Variants in ABTB2 observed in about 807,000 individuals in gnomAD.
ABTB2 encodes the protein ankyrin repeat and BTB domain containing 2.
In ABTB2, 56 loss-of-function variants were observed where a neutral mutation model predicts 104.1. That is an observed-to-expected ratio of 0.54 (90% CI 0.43 to 0.67). ABTB2 has a LOEUF of 0.67. Among genes scored for constraint, ABTB2 ranks in the 30% least tolerant of loss-of-function variants. The pLI, the probability that ABTB2 is intolerant of heterozygous loss-of-function variation, is 0.00. For missense variants in ABTB2, 1,279 were observed against 1,407.7 expected, an observed-to-expected ratio of 0.91 and a Z score of 1.46; for synonymous variants, 606 against 608.2, an observed-to-expected ratio of 1.00 and a Z score of 0.05.
intron 1 of ABTB2, among the ~76,000 whole-genome samples, chr11:34,303,313 C>T (rs1854730066): frequency 6.6e-6 from 1 of 152,226 alleles, no homozygotes; most frequent in Non-Finnish European, 1.5e-5. Flanking sequence ...ATCGCACAGC[C>T]TACAAATGTT....
At position 34,151,591 on chromosome 11, in the gene ABTB2, C is replaced by T. The variant is rs569247275; in HGVS notation, c.*796G>A. On this transcript the variant is annotated 3_prime_UTR_variant, in exon 17 of 17. Transcript: ENST00000435224. ...CACCCATTTACTTTGGCCCCTAAAA[C>T]CAGCAGCAAAACAAGAGCTGAGGCC... 6.6e-6 allele frequency: 1 copy of T among 152,480 alleles called. No individual in the cohort carries two copies. Among genetic ancestry groups the T allele is most frequent in the East Asian group, 1.9e-4 (1 of 5,192 alleles). The allele number at this position is 152,480 out of a possible 1,614,324, so 9.4% of individuals were successfully genotyped here.
At position 34,151,203 on chromosome 11, in the gene ABTB2, G is replaced by A. The variant is rs1164894152; in HGVS notation, c.*1184C>T. The A allele has an allele frequency of 1.3e-5, 2 of 152,576 alleles. No individual in the cohort carries two copies. The highest frequency in any genetic ancestry group is 4.8e-5 in the African/African-American group (2 of 41,458). The allele number at this position is 152,576 out of a possible 1,614,324, so 9.5% of individuals were successfully genotyped here. On this transcript the variant is annotated 3_prime_UTR_variant, in exon 17 of 17. Coordinates refer to ENST00000435224, the MANE Select transcript of ABTB2 (RefSeq NM_145804.3). ...CTGAGTGCCACCTTCTGAAATGCCT[G>A]GGGCTTTTGGTGAATAAATAGTTTT...
chr11:34,168,609 C>T (rs762311890), intron 5 of ABTB2, among the ~76,000 whole-genome samples: 3 of 152,210 alleles, frequency 2.0e-5, no homozygotes, highest in Non-Finnish European at 4.4e-5. Context: ...AGAAGGGGAA[C>T]TGACTGCCCA....
At chr11:34,242,332 C>T (rs1853929058) in intron 1 of ABTB2, 1 of 152,376 alleles carries the variant, frequency 6.6e-6, no homozygotes. Flanking sequence ...CAGTTCCCAC[C>T]ACGAGGACAC....
chr11:34,305,443 A>G (rs1352669912), intron 1 of ABTB2, among the ~76,000 whole-genome samples: 1 of 152,218 alleles, frequency 6.6e-6, no homozygotes, highest in Non-Finnish European at 1.5e-5. Context: ...GTAACACCAC[A>G]TGGGCCTCCC....
chr11:34,348,995 TGC>T (rs1855367741), intron 1 of ABTB2, among the ~76,000 whole-genome samples: 1 of 152,234 alleles, frequency 6.6e-6, no homozygotes, highest in Non-Finnish European at 1.5e-5. Flanking sequence ...TGATTAATGA[TGC>T]CGGCATGGCA....
chr11:34,197,185 G>A (rs1331141567), intron 3 of ABTB2, 140 bp downstream of exon 3: 2 of 939,942 alleles, frequency 2.1e-6, no homozygotes, highest in African/African-American at 1.6e-5. Context: ...GAATTCCTGG[G>A]CCACCTCCTC....
chr11:34,336,053 T>C (rs1590261178), intron 1 of ABTB2: 1 of 405,516 alleles, frequency 2.5e-6, no homozygotes, highest in South Asian at 3.9e-5. Context: ...GTAAAGTTAT[T>C]CCAGTCACCA....
intron 3 of ABTB2, among the ~76,000 whole-genome samples, chr11:34,194,653 G>A (rs985298413): frequency 6.6e-6 from 1 of 152,142 alleles, no homozygotes; most frequent in Non-Finnish European, 1.5e-5. Flanking sequence ...CCCTGTCAGT[G>A]AGCCAGAGGG....
rs1854403165 is a variant in ABTB2 at position 34,277,864 on chromosome 11, G to A, written c.884-73174C>T. Among the ~76,000 whole-genome samples the A allele has an allele frequency of 2.8e-5, 4 of 144,752 alleles. No individual in the cohort carries two copies. The Admixed American group carries it at 2.8e-4, about 10-fold the overall frequency. The allele number at this position is 144,752 out of a possible 152,430, so 95.0% of individuals were successfully genotyped here. On this transcript the variant is annotated intron_variant, in intron 1 of 16. Transcript: ENST00000435224. The stretch of plus-strand genomic sequence containing the variant: ...TTGTTGCCCAGCCTGGAGTACAATG[G>A]CACAGCCTCAGCTCACTGCAACCTC...
rs1854010361 is a variant in ABTB2, at chr11:34,248,217, T to G, written c.884-43527A>C. Among the ~76,000 whole-genome samples, 4 of 151,120 alleles carry G rather than the reference T, an allele frequency of 2.6e-5. No homozygotes were observed. The South Asian group carries it at 6.3e-4, about 24-fold the overall frequency. ...CAAGTGATCCTCCCACCTTAGCCTC[T>G]CCAGTAGCTAGGGGAGGCTTGCACC... is the stretch of plus-strand genomic sequence containing the variant. On this transcript the variant is annotated intron_variant, in intron 1 of 16. Transcript: ENST00000435224.
chr11:34,246,555 C>T (rs529343657), intron 1 of ABTB2, among the ~76,000 whole-genome samples: 7 of 131,842 alleles, frequency 5.3e-5, no homozygotes, highest in African/African-American at 8.6e-5. Context: ...GAGCCGAGAT[C>T]GCACCATTGC....
At chr11:34,294,415 G>T (rs1854596911) in intron 1 of ABTB2, among the ~76,000 whole-genome samples, 1 of 152,206 alleles carries the variant, frequency 6.6e-6, no homozygotes, top group Non-Finnish European at 1.5e-5. Flanking sequence ...TATGAAGAGT[G>T]ATTTCAAAGG....
At chr11:34,211,179 G>C (rs925013412) in intron 1 of ABTB2, among the ~76,000 whole-genome samples, 6 of 152,180 alleles carry the variant, frequency 3.9e-5, no homozygotes, top group Non-Finnish European at 8.8e-5. Context: ...TGGGATTACA[G>C]CTCACTACAG....
rs899283765 is a variant in ABTB2 at position 34,150,998 on chromosome 11, G to A, written c.*1389C>T. The A allele has an allele frequency of 1.3e-5, 2 of 152,956 alleles. No homozygotes were observed. Among genetic ancestry groups the A allele is most frequent in the African/African-American group, 4.8e-5 (2 of 41,374 alleles). The allele number at this position is 152,956 out of a possible 1,614,324, so 9.5% of individuals were successfully genotyped here. ...CAGTGAGGCCAAGGTCATTGTTAAT[G>A]AGTGTTTATTGTTAATAAAACCATA... On this transcript the variant is annotated 3_prime_UTR_variant, in exon 17 of 17. Transcript: ENST00000435224.
chr11:34,168,336 C>T (rs1852830078), intron 5 of ABTB2, among the ~76,000 whole-genome samples: 1 of 152,244 alleles, frequency 6.6e-6, no homozygotes, highest in African/African-American at 2.4e-5. Context: ...TGGGGAACCA[C>T]AGCAGTATCT....
chr11:34,326,602 C>T (rs1855073282), intron 1 of ABTB2, among the ~76,000 whole-genome samples: 1 of 150,502 alleles, frequency 6.6e-6, no homozygotes, highest in African/African-American at 2.5e-5. Context: ...TGCATTCCAG[C>T]CTGGGTGTCA....
intron 1 of ABTB2, among the ~76,000 whole-genome samples, chr11:34,233,977 C>G (rs563267465): frequency 6.6e-6 from 1 of 152,298 alleles, no homozygotes; most frequent in South Asian, 2.1e-4. Flanking sequence ...TACACAGTTT[C>G]CAGGGTCATC....
At chr11:34,186,559 C>T (rs1853101954) in intron 3 of ABTB2, among the ~76,000 whole-genome samples, 1 of 152,196 alleles carries the variant, frequency 6.6e-6, no homozygotes, top group African/African-American at 2.4e-5. Context: ...GCCCGTGTTA[C>T]AAAAACACTC....
Sources: gnomAD v4.1 joint callset for allele counts (sites outside exome capture counted in the v4.1 genomes callset) on GRCh38, gnomAD v4.1.1 for gene constraint, MANE v1.5 for transcripts, NCBI Gene and HGNC (gene_info 2026-07-23, HGNC 2026-07-21) for gene names.